The following MAD1L1 variants were observed in gnomAD, a reference collection of about 807,000 sequenced individuals.
The protein encoded by MAD1L1 is mitotic spindle assembly checkpoint protein MAD1.
In MAD1L1, 95 loss-of-function variants were observed where a neutral mutation model predicts 96.9. The observed-to-expected ratio is 0.98, with a 90% CI of 0.83 to 1.16. MAD1L1 has a LOEUF of 1.16. Among genes scored for constraint, MAD1L1 ranks in the 50% most tolerant of loss-of-function variants. The pLI is 0.00. For synonymous variants in MAD1L1, 473 were observed against 396.6 expected, an observed-to-expected ratio of 1.19 and a Z score of -2.29; for missense variants, 1,007 against 954.4, an observed-to-expected ratio of 1.06 and a Z score of -0.73.
chr7:2,054,284 C>T (rs1057314846), intron 12 of MAD1L1, among the ~76,000 whole-genome samples: 9 of 152,362 alleles, frequency 5.9e-5, no homozygotes, highest in Middle Eastern at 6.8e-3. Context: ...CCAAACTCCA[C>T]GCACCTGAGG....
chr7:1,953,214 G>A (rs768310412), intron 16 of MAD1L1, among the ~76,000 whole-genome samples: 1 of 152,184 alleles, frequency 6.6e-6, no homozygotes, highest in Non-Finnish European at 1.5e-5. Context: ...GTGCAGACGG[G>A]AGCAGAACGG....
intron 16 of MAD1L1, among the ~76,000 whole-genome samples, chr7:1,955,798 T>G (rs765769599): frequency 5.8e-4 from 88 of 152,212 alleles, no homozygotes; most frequent in Non-Finnish European, 1.1e-3. Flanking sequence ...GTTGTCCTGT[T>G]GCATTTTGTT....
chr7:1,995,377 C>A (rs1781509172), intron 14 of MAD1L1, among the ~76,000 whole-genome samples: 1 of 152,174 alleles, frequency 6.6e-6, no homozygotes, highest in African/African-American at 2.4e-5. Flanking sequence ...ATCTTCCCAG[C>A]ACACGAACTC....
At chr7:1,893,951 T>C (rs1786711045) in intron 18 of MAD1L1, among the ~76,000 whole-genome samples, 1 of 152,208 alleles carries the variant, frequency 6.6e-6, no homozygotes, top group Admixed American at 6.5e-5. Flanking sequence ...ACAGGTTGGC[T>C]GTTGTCTGTT....
In MAD1L1 at chr7:1,970,480, C is replaced by T. The variant is rs1055120602; in HGVS notation, c.1505+9973G>A. Among the ~76,000 whole-genome samples the T allele has an allele frequency of 7.9e-5, 12 of 151,856 alleles. No homozygotes were observed. The South Asian group carries it at 1.9e-3, about 24-fold the overall frequency. On this transcript the variant is annotated intron_variant, in intron 15 of 18. Coordinates refer to ENST00000265854, the MANE Select transcript of MAD1L1 (RefSeq NM_001013836.2). Reference sequence around the variant, plus strand: ...TCCCAAGTAGCTGGAATTACAGGCACGCGCCACCACGCCCAGCTAAGTTTT... The same window carrying T: ...TCCCAAGTAGCTGGAATTACAGGCATGCGCCACCACGCCCAGCTAAGTTTT...
intron 12 of MAD1L1, among the ~76,000 whole-genome samples, chr7:2,063,221 T>C (rs1013013353): frequency 1.3e-5 from 2 of 152,164 alleles, no homozygotes; most frequent in Non-Finnish European, 2.9e-5. Flanking sequence ...AAAGAAAGAC[T>C]GGACGTGGGG....
Position 2,110,561 on chromosome 7 carries a change from T to C in MAD1L1, c.1073+38591A>G, listed in dbSNP as rs1289288949. On this transcript the variant is annotated intron_variant, in intron 11 of 18. Coordinates refer to ENST00000265854, the MANE Select transcript of MAD1L1 (RefSeq NM_001013836.2). ...CTCACACTGGCAGTGGAGAAAACTC[T>C]GGAGTGACTCAGACGTGCGGCAGAT... Among the ~76,000 whole-genome samples the C allele has an allele frequency of 2.0e-5, 3 of 152,338 alleles. No homozygotes were observed. In the East Asian group the frequency reaches 5.8e-4, roughly 29 times the overall value.
intron 3 of MAD1L1, 45 bp from the exon 4 acceptor site, chr7:2,225,595 C>T: frequency 6.2e-7 from 1 of 1,600,790 alleles, no homozygotes; most frequent in East Asian, 2.2e-5. Context: ...TCAGTGACGG[C>T]ATCAAACCAG....
chr7:2,221,911 G>C (rs1032298651), intron 5 of MAD1L1, among the ~76,000 whole-genome samples: 1 of 152,170 alleles, frequency 6.6e-6, no homozygotes, highest in African/African-American at 2.4e-5. Context: ...TTATAACCCA[G>C]TCCTAGGGGT....
Position 1,992,232 on chromosome 7 carries a change from C to G in MAD1L1, c.1416+9833G>C, listed in dbSNP as rs191966590. Reference sequence around the variant, plus strand: ...CACCAGAGCGCCACTGCTCTGACTTCCACGCTGGATACCCAGCCCCATTTA... The same window carrying G: ...CACCAGAGCGCCACTGCTCTGACTTGCACGCTGGATACCCAGCCCCATTTA... On this transcript the variant is annotated intron_variant, in intron 14 of 18. Transcript: ENST00000265854. 3.2e-4 allele frequency among the ~76,000 whole-genome samples: 48 copies of G among 152,298 alleles called. No homozygotes were observed. In the East Asian group the frequency reaches 7.0e-3, roughly 22 times the overall value.
chr7:1,978,109 T>C (rs1360377173), intron 15 of MAD1L1, among the ~76,000 whole-genome samples: 1 of 152,228 alleles, frequency 6.6e-6, no homozygotes, highest in Non-Finnish European at 1.5e-5. Context: ...CCTTTCTCCA[T>C]GATGACAAGG....
intron 13 of MAD1L1, among the ~76,000 whole-genome samples, chr7:2,003,798 G>A (rs918818012): frequency 5.9e-5 from 9 of 152,182 alleles, no homozygotes; most frequent in Non-Finnish European, 4.4e-5. Context: ...GCAGGTGGCC[G>A]TGGCCACGCT....
In MAD1L1 at chr7:1,816,160, G is replaced by C; in HGVS notation, c.2067C>G (p.Leu689=). The C allele has an allele frequency of 6.2e-7, 1 of 1,613,470 alleles. No homozygotes were observed. The highest frequency in any genetic ancestry group is 8.5e-7 in the Non-Finnish European group (1 of 1,179,920). ...CCTGGCGCCGCAGGTGCACCTCGAT[G>C]AGCTCGCCCACGGTGTGTGAGAACT... The part of the protein sequence containing the change: ...ETEFSHTVGE[L]IEVHLRRQDS... Residue 689 remains leucine (L), a synonymous_variant, in exon 19 of 19, where the codon CTC becomes CTG. Transcript: ENST00000265854.
rs2128552489 is a variant in MAD1L1 at position 2,103,633 on chromosome 7, C to G, written c.1074-34295G>C. 6.6e-6 allele frequency among the ~76,000 whole-genome samples: 1 copy of G among 152,286 alleles called. No homozygotes were observed. The highest frequency in any genetic ancestry group is 3.4e-3 in the Middle Eastern group (1 of 294). The stretch of plus-strand genomic sequence containing the variant: ...GCCTCTCAGGAGCCGGGCAGCACAG[C>G]CAGAACACTGAGACTCGATCCCACA... On this transcript the variant is annotated intron_variant, in intron 11 of 18. Coordinates refer to ENST00000265854, the MANE Select transcript of MAD1L1 (RefSeq NM_001013836.2). This position sits in a 1 kb window ranked among gnomAD's most constrained non-coding sequence, Gnocchi z 4.3.
intron 14 of MAD1L1, among the ~76,000 whole-genome samples, chr7:1,982,664 C>T (rs1780959594): frequency 1.3e-5 from 2 of 152,302 alleles, no homozygotes; most frequent in South Asian, 2.1e-4. Context: ...TCCAATTTTC[C>T]TCCTCCTTCC....
chr7:2,176,291 T>A (rs1584486722), intron 10 of MAD1L1, among the ~76,000 whole-genome samples: 1 of 152,274 alleles, frequency 6.6e-6, no homozygotes, highest in African/African-American at 2.4e-5. Context: ...GAGGTTTCAG[T>A]GAACCGAGAT....
intron 18 of MAD1L1, among the ~76,000 whole-genome samples, chr7:1,827,363 G>A (rs533118789): frequency 6.6e-5 from 10 of 152,342 alleles, no homozygotes; most frequent in Admixed American, 1.3e-4. Context: ...GGGAGGAGCT[G>A]CAGCACAGCC....
At position 2,028,253 on chromosome 7, in the gene MAD1L1, G is replaced by A. The variant is rs532619723; in HGVS notation, c.1219-13611C>T. ...ATCCTGGCTAACACGGCGAAACCCC[G>A]TCTCCACTAAAAATACAAAAAATTA... On this transcript the variant is annotated intron_variant, in intron 12 of 18. Transcript: ENST00000265854. Among the ~76,000 whole-genome samples, 8 of 151,784 alleles carry A rather than the reference G, an allele frequency of 5.3e-5. No individual in the cohort carries two copies. In the East Asian group the frequency reaches 1.2e-3, roughly 22 times the overall value.
chr7:1,978,051 C>T (rs990003732), intron 15 of MAD1L1, among the ~76,000 whole-genome samples: 3 of 152,256 alleles, frequency 2.0e-5, no homozygotes, highest in South Asian at 2.1e-4. Context: ...CTTCCCGATG[C>T]GCTGCTGTGC....
Sources: allele counts gnomAD v4.1 joint callset (sites outside exome capture counted in the v4.1 genomes callset), GRCh38; gene constraint gnomAD v4.1.1; non-coding constraint Gnocchi (gnomAD v3.1); transcripts MANE v1.5; gene names NCBI Gene and HGNC (gene_info 2026-07-23, HGNC 2026-07-21).